The following SLC39A9 variants were observed in gnomAD, a reference collection of about 807,000 sequenced individuals.
The protein encoded by SLC39A9 is solute carrier family 39 member 9, also known as zinc transporter ZIP9.
SLC39A9 carries 14 observed loss-of-function variants against 28.4 expected under a neutral mutation model. That is an observed-to-expected ratio of 0.49 (90% CI 0.33 to 0.77). The LOEUF is 0.77. Among genes scored for constraint, SLC39A9 ranks in the 30% least tolerant of loss-of-function variants. The pLI is 0.02. For missense variants in SLC39A9, 283 were observed against 381.1 expected (o/e 0.74, Z 2.14); for synonymous variants, 119 against 149.6 (o/e 0.80, Z 1.49).
chr14:69,457,955 A>G (rs1487990087), intron 6 of SLC39A9, among the ~76,000 whole-genome samples: 1 of 152,230 alleles, frequency 6.6e-6, no homozygotes, highest in African/African-American at 2.4e-5. Context: ...TGGTGAATAT[A>G]GTTTAATAAT....
chr14:69,411,558 C>T (rs1245798176), intron 1 of SLC39A9, among the ~76,000 whole-genome samples: 4 of 152,128 alleles, frequency 2.6e-5, no homozygotes, highest in Admixed American at 2.6e-4. Context: ...GTCTTTTGAT[C>T]TTGAATGACA....
At chr14:69,414,581 A>G (rs759760685) in intron 1 of SLC39A9, among the ~76,000 whole-genome samples, 42 of 152,242 alleles carry the variant, frequency 2.8e-4, no homozygotes, top group Non-Finnish European at 5.9e-4. Flanking sequence ...ATATTCTAAA[A>G]TGAATCCTTT....
At chr14:69,414,423 A>G (rs373150531) in intron 1 of SLC39A9, among the ~76,000 whole-genome samples, 1 of 152,206 alleles carries the variant, frequency 6.6e-6, no homozygotes, top group Non-Finnish European at 1.5e-5. Context: ...CTGACATAAA[A>G]TTGTGGTGAA....
At chr14:69,400,005 G>A (rs1203985281) in intron 1 of SLC39A9, among the ~76,000 whole-genome samples, 1 of 152,098 alleles carries the variant, frequency 6.6e-6, no homozygotes, top group East Asian at 1.9e-4. Context: ...AGGCTGCAGT[G>A]AGCCGTGTTT....
intron 1 of SLC39A9, among the ~76,000 whole-genome samples, chr14:69,402,899 T>G (rs1882715348): frequency 6.6e-6 from 1 of 152,016 alleles, no homozygotes; most frequent in Non-Finnish European, 1.5e-5. Context: ...CTGGCCAACA[T>G]GGCGAAACCC....
chr14:69,432,067 G>C (rs1438178459), intron 2 of SLC39A9, among the ~76,000 whole-genome samples: 1 of 152,142 alleles, frequency 6.6e-6, no homozygotes, highest in Admixed American at 6.6e-5. Context: ...TTTTCTTTTG[G>C]ATAGATATGC....
intron 1 of SLC39A9, among the ~76,000 whole-genome samples, chr14:69,422,406 T>A (rs528452468): frequency 6.6e-6 from 1 of 152,088 alleles, no homozygotes; most frequent in Non-Finnish European, 1.5e-5. Flanking sequence ...TTTTTATTAT[T>A]TTTTATTTTT....
chr14:69,457,183 T>TAC (rs1016972205), intron 6 of SLC39A9, among the ~76,000 whole-genome samples: 17 of 151,672 alleles, frequency 1.1e-4, no homozygotes, highest in East Asian at 9.6e-4. Flanking sequence ...TACATATATA[T>TAC]ACACACACAC....
At chr14:69,441,205 C>T (rs186608262) in intron 2 of SLC39A9, among the ~76,000 whole-genome samples, 30 of 152,162 alleles carry the variant, frequency 2.0e-4, no homozygotes, top group South Asian at 6.2e-4. Flanking sequence ...TGCTTGAGCC[C>T]GGGAGGTCGA....
At chr14:69,423,527 A>T (rs1324318938) in intron 1 of SLC39A9, among the ~76,000 whole-genome samples, 1 of 152,220 alleles carries the variant, frequency 6.6e-6, no homozygotes, top group Non-Finnish European at 1.5e-5. Context: ...CATTCCTTCC[A>T]GTATTAAAGT....
At chr14:69,429,784 CTCTT>C (rs1884397067) in intron 2 of SLC39A9, among the ~76,000 whole-genome samples, 1 of 152,182 alleles carries the variant, frequency 6.6e-6, no homozygotes, top group African/African-American at 2.4e-5. Context: ...AACTGACAAA[CTCTT>C]CCTAAAGTGG....
chr14:69,411,268 A>G (rs1193945173), intron 1 of SLC39A9, among the ~76,000 whole-genome samples: 1 of 152,044 alleles, frequency 6.6e-6, no homozygotes, highest in Non-Finnish European at 1.5e-5. Flanking sequence ...AGGTGAACCA[A>G]TTTGTTGACT....
intron 1 of SLC39A9, among the ~76,000 whole-genome samples, chr14:69,406,911 C>T (rs1305515102): frequency 1.7e-5 from 2 of 119,992 alleles, no homozygotes; most frequent in Non-Finnish European, 3.2e-5. Context: ...AGTGCAGTGG[C>T]GTGATCTCAG....
chr14:69,402,363 A>G (rs59063743), intron 1 of SLC39A9, among the ~76,000 whole-genome samples: 10 of 152,292 alleles, frequency 6.6e-5, no homozygotes, highest in African/African-American at 2.2e-4. Context: ...ACATGAAAAG[A>G]TATGCTTTTT....
intron 3 of SLC39A9, among the ~76,000 whole-genome samples, chr14:69,450,153 C>T (rs553491803): frequency 7.9e-5 from 12 of 151,728 alleles, no homozygotes; most frequent in East Asian, 3.9e-4. Flanking sequence ...CACGCCACTG[C>T]GCTCCAGCCC....
chr14:69,441,057 C>T (rs1382957462), intron 2 of SLC39A9, among the ~76,000 whole-genome samples: 2 of 152,138 alleles, frequency 1.3e-5, no homozygotes, highest in Admixed American at 6.5e-5. Flanking sequence ...GTGGGAGGAT[C>T]ACCTGAGCCC....
intron 2 of SLC39A9, among the ~76,000 whole-genome samples, chr14:69,424,622 G>C (rs1884091586): frequency 6.6e-6 from 1 of 152,052 alleles, no homozygotes; most frequent in Non-Finnish European, 1.5e-5. Flanking sequence ...AAGGATAACT[G>C]AAAAAATTAA....
rs555807922 is a variant in SLC39A9, at chr14:69,454,844, A to G, written c.505A>G (p.Thr169Ala). 1.9e-6 allele frequency: 3 copies of G among 1,614,090 alleles called. No homozygotes were observed. The highest frequency in any genetic ancestry group is 2.2e-5 in the East Asian group (1 of 44,862). ...TGTTGCTTTGGGAGCAGCAGCATCTACTTCACAGACCAGTGTCCAGTTAAT... is the reference window on the plus strand; with the variant it reads ...TGTTGCTTTGGGAGCAGCAGCATCTGCTTCACAGACCAGTGTCCAGTTAAT... ...DGVALGAAAS[T>A]SQTSVQLIVF... is the part of the protein sequence containing the mutation. Residue 169 changes from threonine (T) to alanine (A), a missense_variant, in exon 5 of 7, where the codon ACT becomes GCT. Transcript: ENST00000336643.
At chr14:69,450,415 T>A (rs1180862244) in intron 3 of SLC39A9, among the ~76,000 whole-genome samples, 1 of 152,154 alleles carries the variant, frequency 6.6e-6, no homozygotes, top group Non-Finnish European at 1.5e-5. Flanking sequence ...TCCTCCTCAG[T>A]AAGTTGAAAG....
Sources: allele counts gnomAD v4.1 joint callset (sites outside exome capture counted in the v4.1 genomes callset), GRCh38; gene constraint gnomAD v4.1.1; transcripts MANE v1.5; gene names NCBI Gene and HGNC (gene_info 2026-07-23, HGNC 2026-07-21).